The following UNC13C variants were observed in gnomAD, a reference collection of about 807,000 sequenced individuals.
The protein encoded by UNC13C is unc-13 homolog C, also known as protein unc-13 homolog C.
UNC13C carries 174 observed loss-of-function variants against 245.4 expected under a neutral mutation model. The ratio of observed to expected loss-of-function variants is 0.71; its 90% CI spans 0.63 to 0.80. The LOEUF (loss-of-function observed/expected upper bound fraction) is 0.80, where lower values mean the gene tolerates loss of function less well. Ranked by LOEUF, UNC13C falls within the 30% of genes least tolerant of loss-of-function variation. The probability of loss-of-function intolerance (pLI) is 0.00; values close to 1 mark genes in which losing one functional copy is unlikely to be tolerated. For synonymous variants in UNC13C, 992 were observed against 895.1 expected, an observed-to-expected ratio of 1.11 and a Z score of -1.93; for missense variants, 2,829 against 2,602.9, an observed-to-expected ratio of 1.09 and a Z score of -1.89.
At chr15:54,146,031 A>G (rs1349906464) in intron 4 of UNC13C, among the ~76,000 whole-genome samples, 1 of 152,192 alleles carries the variant, frequency 6.6e-6, no homozygotes, top group East Asian at 1.9e-4. Flanking sequence ...ATTTTCAGTC[A>G]TCAAGAGAAT....
chr15:54,494,551 A>G, intron 19 of UNC13C, 57 bp from the exon 20 acceptor site: 3 of 1,439,692 alleles, frequency 2.1e-6, no homozygotes, highest in East Asian at 5.1e-5. Flanking sequence ...AGATTGGAAC[A>G]TAGCAGCATT....
intron 19 of UNC13C, among the ~76,000 whole-genome samples, chr15:54,420,695 T>C (rs1302481414): frequency 2.0e-5 from 3 of 152,104 alleles, no homozygotes; most frequent in East Asian, 2.0e-4. Context: ...CCATTTTTTT[T>C]CCCTTCGGCT....
intron 31 of UNC13C, 138 bp from the exon 32 acceptor site, chr15:54,623,657 T>C (rs1900942260): frequency 6.8e-6 from 5 of 730,510 alleles, no homozygotes; most frequent in Non-Finnish European, 8.6e-6. Context: ...AATTGTATTT[T>C]ATTGTCTTGG....
intron 2 of UNC13C, among the ~76,000 whole-genome samples, chr15:54,039,692 G>A (rs1896732645): frequency 6.6e-6 from 1 of 152,006 alleles, no homozygotes; most frequent in African/African-American, 2.4e-5. Context: ...GCGTGCTGAA[G>A]ATGACCACGC....
intron 4 of UNC13C, among the ~76,000 whole-genome samples, chr15:54,220,543 A>G (rs2035192631): frequency 6.6e-6 from 1 of 151,766 alleles, no homozygotes; most frequent in South Asian, 2.1e-4. Context: ...ACATGTATAC[A>G]TATGTAACTA....
chr15:54,154,175 C>T (rs903460646), intron 4 of UNC13C, among the ~76,000 whole-genome samples: 1 of 152,028 alleles, frequency 6.6e-6, no homozygotes, highest in Non-Finnish European at 1.5e-5. Context: ...CTATTAACCT[C>T]TCTTCTTCCC....
At chr15:54,602,259 T>C (rs2141273976) in intron 30 of UNC13C, among the ~76,000 whole-genome samples, 1 of 152,322 alleles carries the variant, frequency 6.6e-6, no homozygotes. Context: ...CCCTAGTAGC[T>C]TGTTTACACA....
rs1369908200 is a variant in UNC13C, at chr15:54,323,907, A to T, written c.4425+1812A>T. Among the ~76,000 whole-genome samples, 6 of 152,040 alleles carry T rather than the reference A, an allele frequency of 3.9e-5. No individual in the cohort carries two copies. The East Asian group carries it at 1.2e-3, about 29-fold the overall frequency. ...TTCTCCCTCTGAGAAAGATGTGTTT[A>T]AGTGATTAATATCCACCATAAAAAC... On this transcript the variant is annotated intron_variant, in intron 14 of 32. Coordinates refer to ENST00000260323, the MANE Select transcript of UNC13C (RefSeq NM_001080534.3).
the UNC13C span, among the ~76,000 whole-genome samples, chr15:53,873,893 C>T: frequency 6.9e-6 from 1 of 145,316 alleles, no homozygotes; most frequent in Non-Finnish European, 1.5e-5. Context: ...TCTCTTCCTT[C>T]TCTTTCCTTC....
chr15:54,459,632 A>G (rs1891730200), intron 19 of UNC13C, among the ~76,000 whole-genome samples: 1 of 151,966 alleles, frequency 6.6e-6, no homozygotes, highest in African/African-American at 2.4e-5. Flanking sequence ...AGTTAATTTG[A>G]AAGCCTTGTC....
chr15:54,339,800 A>G (rs1167728681), intron 17 of UNC13C, among the ~76,000 whole-genome samples: 1 of 152,128 alleles, frequency 6.6e-6, no homozygotes, highest in African/African-American at 2.4e-5. Flanking sequence ...CTCTGGGTAG[A>G]TACCCAGTAG....
chr15:54,479,321 A>G lies in UNC13C; in HGVS notation c.4934-15287A>G, dbSNP rs148337351. ...ATCTTGGTAAATTGATCCCTTGATT[A>G]TTATATAATGTTCTTCTTTTTCTCT... On this transcript the variant is annotated intron_variant, in intron 19 of 32. Coordinates refer to ENST00000260323, the MANE Select transcript of UNC13C (RefSeq NM_001080534.3). Among the ~76,000 whole-genome samples, 237 of 152,170 alleles carry G rather than the reference A, an allele frequency of 1.6e-3. 1 individual carries two copies. Among genetic ancestry groups the G allele is most frequent in the African/African-American group, 5.5e-3 (229 of 41,538 alleles).
intron 20 of UNC13C, among the ~76,000 whole-genome samples, chr15:54,499,205 C>T (rs973291503): frequency 6.6e-6 from 1 of 151,962 alleles, no homozygotes; most frequent in African/African-American, 2.4e-5. Context: ...GGAGCAGGAG[C>T]AAGAGAGAGT....
intron 19 of UNC13C, among the ~76,000 whole-genome samples, chr15:54,447,663 TTTC>T: frequency 6.6e-6 from 1 of 152,328 alleles, no homozygotes; most frequent in Non-Finnish European, 1.5e-5. Flanking sequence ...TCTTCTCTCT[TTTC>T]TTCTTTATTA....
At chr15:54,341,391 T>C (rs1032388515) in intron 17 of UNC13C, among the ~76,000 whole-genome samples, 1 of 151,950 alleles carries the variant, frequency 6.6e-6, no homozygotes, top group Non-Finnish European at 1.5e-5. Flanking sequence ...CACTTATAAG[T>C]GAGAGCTTAT....
intron 2 of UNC13C, among the ~76,000 whole-genome samples, chr15:54,039,005 C>G (rs1896703534): frequency 6.6e-6 from 1 of 152,074 alleles, no homozygotes; most frequent in Non-Finnish European, 1.5e-5. Flanking sequence ...TATATGGGGT[C>G]TAGATGCAGT....
At position 54,237,599 on chromosome 15, in the gene UNC13C, C is replaced by T. The variant is rs564729680; in HGVS notation, c.3157-20C>T. The T allele has an allele frequency of 6.2e-7, 1 of 1,600,960 alleles. No homozygotes were observed. On this transcript the variant is annotated intron_variant, in intron 6 of 32. Coordinates refer to ENST00000260323, the MANE Select transcript of UNC13C (RefSeq NM_001080534.3). ...TCAACCTCCCTATGTATTAATAAGTCATAATTCTGTTTGTTTTAGACCCTG... is the reference window on the plus strand; with the variant it reads ...TCAACCTCCCTATGTATTAATAAGTTATAATTCTGTTTGTTTTAGACCCTG...
chr15:54,466,118 A>G (rs538117606), intron 19 of UNC13C, among the ~76,000 whole-genome samples: 2 of 152,124 alleles, frequency 1.3e-5, no homozygotes, highest in African/African-American at 2.4e-5. Flanking sequence ...GTTCTCACTC[A>G]TATGTGGGAG....
chr15:54,112,531 G>A (rs1334588758), intron 2 of UNC13C, among the ~76,000 whole-genome samples: 1 of 152,172 alleles, frequency 6.6e-6, no homozygotes, highest in Non-Finnish European at 1.5e-5. Context: ...CTGTACACAT[G>A]GTTGATAAAA....
Sources: allele counts gnomAD v4.1 joint callset (sites outside exome capture counted in the v4.1 genomes callset), GRCh38; gene constraint gnomAD v4.1.1; transcripts MANE v1.5; gene names NCBI Gene and HGNC (gene_info 2026-07-23, HGNC 2026-07-21).